Variants in PLCE1 observed in about 807,000 individuals in gnomAD.
The protein encoded by PLCE1 is phospholipase C epsilon 1.
PLCE1 carries 119 observed loss-of-function variants against 242.8 expected under a neutral mutation model. The ratio of observed to expected loss-of-function variants is 0.49; its 90% confidence interval spans 0.42 to 0.57. The LOEUF (loss-of-function observed/expected upper bound fraction) is 0.57, where lower values mean the gene tolerates loss of function less well. Ranked by LOEUF, PLCE1 falls within the 20% of genes least tolerant of loss-of-function variation. PLCE1 has a pLI of 0.00. For missense variants in PLCE1, 2,441 were observed against 2,788.8 expected, an observed-to-expected ratio of 0.88 and a Z score of 2.81; for synonymous variants, 945 against 1,017.4, an observed-to-expected ratio of 0.93 and a Z score of 1.35.
intron 5 of PLCE1, 40 bp downstream of exon 5, chr10:94,227,491 C>T (rs201056309): frequency 6.3e-7 from 1 of 1,576,796 alleles, no homozygotes; most frequent in African/African-American, 1.3e-5. Context: ...GGCACAATCG[C>T]TTCTCATCAC....
intron 3 of PLCE1, among the ~76,000 whole-genome samples, chr10:94,169,849 C>G (rs1354522206): frequency 6.6e-6 from 1 of 152,138 alleles, no homozygotes; most frequent in Non-Finnish European, 1.5e-5. Flanking sequence ...TGGGACATGC[C>G]TGTGATGGAA....
chr10:94,114,161 G>T (rs2046042144), intron 2 of PLCE1, among the ~76,000 whole-genome samples: 1 of 152,188 alleles, frequency 6.6e-6, no homozygotes, highest in African/African-American at 2.4e-5. Flanking sequence ...AGCCGAAGGT[G>T]ACTAGCCCAG....
chr10:94,029,878 C>T (rs2061523278), intron 1 of PLCE1, among the ~76,000 whole-genome samples: 1 of 152,194 alleles, frequency 6.6e-6, no homozygotes, highest in African/African-American at 2.4e-5. Context: ...GAATGATATG[C>T]TCATCATGGG....
chr10:94,249,241 G>C (rs897522977), intron 8 of PLCE1, among the ~76,000 whole-genome samples: 3 of 152,130 alleles, frequency 2.0e-5, no homozygotes, highest in African/African-American at 7.2e-5. Context: ...AAGTTGGAAA[G>C]ACCAATGGAC....
At chr10:94,074,268 C>T (rs2044441979) in intron 2 of PLCE1, among the ~76,000 whole-genome samples, 1 of 150,444 alleles carries the variant, frequency 6.6e-6, no homozygotes, top group Admixed American at 6.7e-5. Context: ...ACATGGATCA[C>T]TGCAGCTTCG....
rs2044131262 is a variant in PLCE1 at position 94,063,977 on chromosome 10, A to T, written c.1206+31725A>T. Among the ~76,000 whole-genome samples, 5 of 152,156 alleles carry T rather than the reference A, an allele frequency of 3.3e-5. No individual in the cohort carries two copies. In the South Asian group the frequency reaches 1.0e-3, roughly 32 times the overall value. ...TACACATTGAAGGGGCTGAAAAAAG[A>T]CCAGACACGCAGGAGCAGGAGTAGG... On this transcript the variant is annotated intron_variant, in intron 2 of 32. Coordinates refer to ENST00000371380, the MANE Select transcript of PLCE1 (RefSeq NM_016341.4).
intron 3 of PLCE1, among the ~76,000 whole-genome samples, chr10:94,168,289 A>C (rs2047871400): frequency 6.6e-6 from 1 of 152,206 alleles, no homozygotes; most frequent in African/African-American, 2.4e-5. Context: ...GGATGAGGGA[A>C]AGTGGGAAGT....
intron 4 of PLCE1, among the ~76,000 whole-genome samples, chr10:94,203,732 C>T (rs1159378102): frequency 6.6e-6 from 1 of 152,150 alleles, no homozygotes; most frequent in East Asian, 1.9e-4. Context: ...ACTCTGCTGC[C>T]AACCTTGTGC....
chr10:94,076,132 C>CGTGTGT (rs747481933), intron 2 of PLCE1, among the ~76,000 whole-genome samples: 19 of 147,112 alleles, frequency 1.3e-4, no homozygotes, highest in African/African-American at 4.0e-4. Flanking sequence ...TGTGTGCGTG[C>CGTGTGT]GTGTGTGTGT....
chr10:94,206,984 A>G (rs1428744186), intron 4 of PLCE1, among the ~76,000 whole-genome samples: 3 of 152,254 alleles, frequency 2.0e-5, no homozygotes, highest in Non-Finnish European at 2.9e-5. Flanking sequence ...TCATTGGTAA[A>G]TGCTTTAATA....
At chr10:94,160,831 C>G (rs2136211611) in intron 3 of PLCE1, among the ~76,000 whole-genome samples, 1 of 152,276 alleles carries the variant, frequency 6.6e-6, no homozygotes, top group African/African-American at 2.4e-5. Context: ...ATATGGGTAG[C>G]CAGTTTTCCC....
intron 4 of PLCE1, among the ~76,000 whole-genome samples, chr10:94,214,060 A>G (rs1490191183): frequency 2.6e-5 from 4 of 152,214 alleles, no homozygotes; most frequent in Non-Finnish European, 1.5e-5. Context: ...AGGCAGAGCC[A>G]AGAAATGAAC....
intron 11 of PLCE1, among the ~76,000 whole-genome samples, chr10:94,255,952 T>TCTCTCTCTCC (rs1554896654): frequency 8.4e-6 from 1 of 118,798 alleles, no homozygotes; most frequent in African/African-American, 3.2e-5. Context: ...TCTCTCTCTC[T>TCTCTCTCTCC]CTCTCCCCAC....
chr10:94,323,489 A>T (rs570533708), intron 30 of PLCE1, among the ~76,000 whole-genome samples: 1 of 152,216 alleles, frequency 6.6e-6, no homozygotes, highest in Non-Finnish European at 1.5e-5. Flanking sequence ...TGCCCCTACC[A>T]TATCTGATTT....
intron 1 of PLCE1, among the ~76,000 whole-genome samples, chr10:93,999,092 G>C (rs2060883290): frequency 6.6e-6 from 1 of 152,200 alleles, no homozygotes; most frequent in African/African-American, 2.4e-5. Context: ...TACTAAGTTT[G>C]TGGTCATTTG....
intron 4 of PLCE1, 79 bp downstream of exon 4, chr10:94,171,575 G>T: frequency 8.9e-7 from 1 of 1,117,494 alleles, no homozygotes; most frequent in Non-Finnish European, 1.4e-6. Context: ...TTCTAGGTTT[G>T]TCTGTTCCTG....
intron 27 of PLCE1, among the ~76,000 whole-genome samples, chr10:94,312,669 T>C (rs1421092532): frequency 1.3e-5 from 2 of 152,356 alleles, no homozygotes; most frequent in African/African-American, 4.8e-5. Flanking sequence ...CTGGAAGCCC[T>C]TGGCAGGGAT....
intron 4 of PLCE1, among the ~76,000 whole-genome samples, chr10:94,183,971 G>C (rs2048389621): frequency 6.6e-6 from 1 of 152,120 alleles, no homozygotes; most frequent in Non-Finnish European, 1.5e-5. Context: ...CCAACATTGG[G>C]GATCACATTT....
intron 5 of PLCE1, among the ~76,000 whole-genome samples, chr10:94,228,248 C>G (rs978258325): frequency 6.6e-6 from 1 of 152,102 alleles, no homozygotes; most frequent in African/African-American, 2.4e-5. Flanking sequence ...TGTTCTTACT[C>G]CTGTGGGAGG....
Sources: allele counts gnomAD v4.1 joint callset (sites outside exome capture counted in the v4.1 genomes callset), GRCh38; gene constraint gnomAD v4.1.1; transcripts MANE v1.5; gene names NCBI Gene and HGNC (gene_info 2026-07-23, HGNC 2026-07-21).